EPHA3: variants seen among roughly 807,000 people sequenced by gnomAD.
EPHA3 encodes ephrin type-A receptor 3.
In EPHA3, 42 loss-of-function variants were observed where a neutral mutation model predicts 107.1. That is an observed-to-expected ratio of 0.39 (90% CI 0.31 to 0.51). EPHA3 has a LOEUF of 0.51. Ranked by LOEUF, EPHA3 falls within the 20% of genes least tolerant of loss-of-function variation. The pLI, the probability that EPHA3 is intolerant of heterozygous loss-of-function variation, is 0.78. For synonymous variants in EPHA3, 461 were observed against 424.8 expected (o/e 1.09, Z -1.05); for missense variants, 1,183 against 1,211.2 (o/e 0.98, Z 0.35).
At chr3:89,336,871 GT>G (rs1707404245) in intron 3 of EPHA3, among the ~76,000 whole-genome samples, 1 of 152,146 alleles carries the variant, frequency 6.6e-6, no homozygotes, top group African/African-American at 2.4e-5. Context: ...TACTAGCCAG[GT>G]AATATAGTGA....
chr3:89,217,158 T>G (rs1704239660), intron 3 of EPHA3, among the ~76,000 whole-genome samples: 1 of 152,200 alleles, frequency 6.6e-6, no homozygotes. Context: ...ATTACAGCTC[T>G]GACAGCTGGC....
At chr3:89,350,469 A>C (rs1707783364) in intron 5 of EPHA3, among the ~76,000 whole-genome samples, 1 of 151,038 alleles carries the variant, frequency 6.6e-6, no homozygotes, top group South Asian at 2.1e-4. Flanking sequence ...CAGCTTCATC[A>C]GCTCCTTTAA....
At chr3:89,448,677 A>C (rs947049019) in intron 13 of EPHA3, among the ~76,000 whole-genome samples, 3 of 152,180 alleles carry the variant, frequency 2.0e-5, no homozygotes, top group Non-Finnish European at 4.4e-5. Flanking sequence ...TAAATTAATC[A>C]AGATGATTAT....
intron 3 of EPHA3, among the ~76,000 whole-genome samples, chr3:89,213,498 T>C (rs1195478926): frequency 1.3e-5 from 2 of 152,028 alleles, no homozygotes; most frequent in East Asian, 1.9e-4. Context: ...GAAATAAACA[T>C]ATTTGATTAT....
chr3:89,346,368 G>A (rs1707653670), intron 5 of EPHA3, among the ~76,000 whole-genome samples: 1 of 140,708 alleles, frequency 7.1e-6, no homozygotes, highest in African/African-American at 2.7e-5. Flanking sequence ...CTGATGGCCA[G>A]TGATGATGAG....
intron 1 of EPHA3, among the ~76,000 whole-genome samples, chr3:89,119,532 G>A (rs1707331689): frequency 1.3e-5 from 2 of 152,034 alleles, no homozygotes; most frequent in African/African-American, 4.8e-5. Flanking sequence ...CCAAAAACAA[G>A]TCTTGAAGAG....
At chr3:89,371,703 A>C (rs986705975) in intron 5 of EPHA3, among the ~76,000 whole-genome samples, 6 of 151,136 alleles carry the variant, frequency 4.0e-5, no homozygotes, top group African/African-American at 1.5e-4. Flanking sequence ...TTTATTGTAC[A>C]AGGCACAGTG....
At chr3:89,152,534 T>C (rs1704711238) in intron 2 of EPHA3, among the ~76,000 whole-genome samples, 1 of 152,078 alleles carries the variant, frequency 6.6e-6, no homozygotes, top group African/African-American at 2.4e-5. Context: ...GGAGGACTAA[T>C]GGAATACATA....
At chr3:89,197,969 C>T (rs1410109165) in intron 2 of EPHA3, among the ~76,000 whole-genome samples, 1 of 151,888 alleles carries the variant, frequency 6.6e-6, no homozygotes, top group Non-Finnish European at 1.5e-5. Flanking sequence ...GAGCAAGACC[C>T]TGTCTCAAAA....
chr3:89,422,040 G>A (rs977366690), intron 11 of EPHA3, among the ~76,000 whole-genome samples: 7 of 151,060 alleles, frequency 4.6e-5, no homozygotes, highest in Non-Finnish European at 8.9e-5. Context: ...ATAAATCCCA[G>A]TCATCTCATA....
intron 2 of EPHA3, among the ~76,000 whole-genome samples, chr3:89,172,155 C>A (rs1295541058): frequency 6.6e-6 from 1 of 151,926 alleles, no homozygotes; most frequent in Non-Finnish European, 1.5e-5. Context: ...ATGTTAATGG[C>A]CTGACAGCAA....
chr3:89,130,963 A>G (rs796949009), intron 2 of EPHA3, among the ~76,000 whole-genome samples: 36 of 152,290 alleles, frequency 2.4e-4, no homozygotes, highest in African/African-American at 8.4e-4. Flanking sequence ...ATGGTGCTTC[A>G]TATCTTAGAG....
At chr3:89,460,812 T>C (rs1238386670) in intron 15 of EPHA3, among the ~76,000 whole-genome samples, 2 of 135,000 alleles carry the variant, frequency 1.5e-5, no homozygotes, top group South Asian at 2.1e-4. Flanking sequence ...CCAAGTGATC[T>C]CTCTGTCTCT....
intron 3 of EPHA3, among the ~76,000 whole-genome samples, chr3:89,256,387 A>C (rs551065726): frequency 1.3e-5 from 2 of 151,760 alleles, no homozygotes; most frequent in South Asian, 4.2e-4. Flanking sequence ...CCTGGCCAAC[A>C]TGGTGAAACC....
intron 15 of EPHA3, among the ~76,000 whole-genome samples, chr3:89,467,569 C>T (rs576619945): frequency 2.0e-5 from 3 of 152,008 alleles, no homozygotes; most frequent in South Asian, 2.1e-4. Context: ...GATTATTACC[C>T]GAAGATATTC....
intron 5 of EPHA3, among the ~76,000 whole-genome samples, chr3:89,381,441 G>A (rs149260675): frequency 0.016 from 2,424 of 151,872 alleles, 66 homozygotes; most frequent in African/African-American, 0.055. Flanking sequence ...AGGCCGAGGT[G>A]GGCAGATCAC....
intron 5 of EPHA3, among the ~76,000 whole-genome samples, chr3:89,370,225 A>G (rs977061547): frequency 1.3e-5 from 2 of 150,826 alleles, no homozygotes; most frequent in Non-Finnish European, 3.0e-5. Context: ...TATTGCAACA[A>G]TATTCACCAT....
At chr3:89,169,362 ATAG>A (rs1705158921) in intron 2 of EPHA3, among the ~76,000 whole-genome samples, 1 of 152,180 alleles carries the variant, frequency 6.6e-6, no homozygotes, top group Non-Finnish European at 1.5e-5. Flanking sequence ...ACACAGGCAC[ATAG>A]TAGTTGGGTC....
intron 1 of EPHA3, among the ~76,000 whole-genome samples, chr3:89,111,326 A>G (rs1235663124): frequency 6.6e-6 from 1 of 152,148 alleles, no homozygotes; most frequent in East Asian, 1.9e-4. Context: ...TCCTCAAATA[A>G]GAACACACTG....
Sources: allele counts gnomAD v4.1 joint callset (sites outside exome capture counted in the v4.1 genomes callset), GRCh38; gene constraint gnomAD v4.1.1; transcripts MANE v1.5; gene names NCBI Gene and HGNC (gene_info 2026-07-23, HGNC 2026-07-21).